Variants in CPM observed in about 807,000 individuals in gnomAD.
CPM encodes the protein carboxypeptidase M, also known as renal carboxypeptidase.
Under a neutral mutation model 46.4 loss-of-function variants are expected in CPM, and 35 were observed. The observed-to-expected ratio is 0.75, with a 90% CI of 0.58 to 1.00. The LOEUF is 1.00. Ranked by LOEUF, CPM falls within the 50% of genes least tolerant of loss-of-function variation. The probability of loss-of-function intolerance (pLI) is 0.00; values close to 1 mark genes in which losing one functional copy is unlikely to be tolerated. For missense variants in CPM, 422 were observed against 530.4 expected, an observed-to-expected ratio of 0.80 and a Z score of 2.01; for synonymous variants, 195 against 195.3, an observed-to-expected ratio of 1.00 and a Z score of 0.01.
At chr12:68,939,083 T>TA (rs1888719176) in intron 1 of CPM, among the ~76,000 whole-genome samples, 1 of 146,584 alleles carries the variant, frequency 6.8e-6, no homozygotes, top group South Asian at 2.1e-4. Flanking sequence ...TATATATGTA[T>TA]ACACATATGT....
Position 68,960,989 on chromosome 12 carries a change from T to C in CPM, c.-4+2180A>G, listed in dbSNP as rs565403135. Among the ~76,000 whole-genome samples the C allele has an allele frequency of 7.9e-5, 12 of 152,310 alleles. No individual in the cohort carries two copies. The South Asian group carries it at 8.3e-4, about 11-fold the overall frequency. Reference sequence around the variant, plus strand: ...AGGTAAAAGGCGATGCAACTTAGCATTGGGGACTGTCATCCCCAGTAAAAA... The same window carrying C: ...AGGTAAAAGGCGATGCAACTTAGCACTGGGGACTGTCATCCCCAGTAAAAA... On this transcript the variant is annotated intron_variant, in intron 1 of 8. Transcript: ENST00000546373.
intron 3 of CPM, among the ~76,000 whole-genome samples, chr12:68,872,230 A>ATGC (rs372578780): frequency 0.012 from 1,801 of 147,364 alleles, 25 homozygotes; most frequent in South Asian, 0.037. Flanking sequence ...GAGTGGAATA[A>ATGC]TGCTGCTGCT....
chr12:68,859,000 T>C lies in CPM; in HGVS notation c.1012A>G (p.Lys338Glu), dbSNP rs779430298. Residue 338 changes from lysine to glutamate, a missense_variant, in exon 8 of 9, where the codon AAA becomes GAA. By Grantham distance (56) the Lys-to-Glu change is moderately conservative (BLOSUM62 1). Transcript: ENST00000551568. ...PNVIVEVQDRKHICPYRTNKY... is the reference protein window; with the variant it reads ...PNVIVEVQDREHICPYRTNKY... ...TTGGTTCTATAGGGGCAGATATGTT[T>C]TCTGTCTTGGACTTCCACAATTACA... 2.5e-6 allele frequency: 4 copies of C among 1,577,110 alleles called. No homozygotes were observed. The African/African-American group carries it at 5.4e-5, about 21-fold the overall frequency.
At chr12:68,918,243 G>A (rs189098192) in intron 2 of CPM, among the ~76,000 whole-genome samples, 3 of 152,018 alleles carry the variant, frequency 2.0e-5, no homozygotes, top group Admixed American at 6.5e-5. Context: ...ACTGTGTGAC[G>A]GTGCTATAGC....
chr12:68,947,498 G>A (rs1888866429), intron 1 of CPM, among the ~76,000 whole-genome samples: 1 of 151,984 alleles, frequency 6.6e-6, no homozygotes, highest in Non-Finnish European at 1.5e-5. Context: ...TCAGGAGGCT[G>A]AGGCAGAAGA....
chr12:68,955,951 G>A (rs866811643), intron 1 of CPM, among the ~76,000 whole-genome samples: 17 of 152,128 alleles, frequency 1.1e-4, no homozygotes, highest in Admixed American at 4.6e-4. Context: ...GCCGTCCCCA[G>A]CTTGGAGGTG....
chr12:68,861,825 G>A (rs1479840521), intron 7 of CPM, among the ~76,000 whole-genome samples: 1 of 148,814 alleles, frequency 6.7e-6, no homozygotes, highest in African/African-American at 2.5e-5. Context: ...ATCGCGCCCG[G>A]CTAACATTAC....
intron 1 of CPM, among the ~76,000 whole-genome samples, chr12:68,953,652 T>C (rs747066658): frequency 5.3e-5 from 8 of 152,218 alleles, no homozygotes; most frequent in Non-Finnish European, 1.2e-4. Context: ...CCTGCCCTGA[T>C]GGTGGTGCAG....
chr12:68,959,401 C>A (rs1048202127), intron 1 of CPM, among the ~76,000 whole-genome samples: 1 of 151,404 alleles, frequency 6.6e-6, no homozygotes, highest in African/African-American at 2.5e-5. Context: ...CTTAAAATAT[C>A]ATTGTTATTG....
At chr12:68,923,158 A>AGTGTGTGTGTGT (rs1491362513) in intron 2 of CPM, among the ~76,000 whole-genome samples, 2 of 131,902 alleles carry the variant, frequency 1.5e-5, no homozygotes, top group African/African-American at 5.9e-5. Flanking sequence ...TATTTGATAT[A>AGTGTGTGTGTGT]GAGTGTGTGT....
intron 1 of CPM, among the ~76,000 whole-genome samples, chr12:68,940,946 A>G (rs1888749907): frequency 6.6e-6 from 1 of 152,080 alleles, no homozygotes; most frequent in Non-Finnish European, 1.5e-5. Context: ...ACTTTTTCAA[A>G]CCTTGCAAAA....
chr12:68,900,157 G>T (rs1887054452), intron 2 of CPM, among the ~76,000 whole-genome samples: 1 of 151,926 alleles, frequency 6.6e-6, no homozygotes, highest in East Asian at 1.9e-4. Flanking sequence ...AATACAGAAA[G>T]AATTCTGAAA....
At chr12:68,872,442 G>A (rs11837900) in intron 3 of CPM, among the ~76,000 whole-genome samples, 1 of 151,824 alleles carries the variant, frequency 6.6e-6, no homozygotes, top group African/African-American at 2.4e-5. Context: ...TAGTAGAGAT[G>A]GGGTTTCACT....
chr12:68,849,539 G>A (rs1334886683), downstream of CPM: 1 of 151,936 alleles, frequency 6.6e-6, no homozygotes, highest in Non-Finnish European at 1.5e-5. Flanking sequence ...CCTCCCAGTA[G>A]TTGGAATTAC....
At chr12:68,927,656 T>C (rs1473564034) in intron 2 of CPM, among the ~76,000 whole-genome samples, 4 of 152,216 alleles carry the variant, frequency 2.6e-5, no homozygotes, top group African/African-American at 9.6e-5. Flanking sequence ...ATGTCCTGAA[T>C]GGTAATGCCT....
chr12:68,949,438 T>G (rs1386254183), intron 1 of CPM, among the ~76,000 whole-genome samples: 2 of 152,178 alleles, frequency 1.3e-5, no homozygotes, highest in Admixed American at 1.3e-4. Context: ...AAATTCTGAG[T>G]GCCAACATGA....
At chr12:68,935,363 C>A (rs564507601), upstream of CPM, among the ~76,000 whole-genome samples, 1 of 152,136 alleles carries the variant, frequency 6.6e-6, no homozygotes, top group Admixed American at 6.5e-5. Context: ...CAGGTTCAAG[C>A]GATTCTTGTG....
upstream of CPM, among the ~76,000 whole-genome samples, chr12:68,936,075 G>A (rs1888668569): frequency 6.6e-6 from 1 of 152,108 alleles, no homozygotes; most frequent in Non-Finnish European, 1.5e-5. Flanking sequence ...TGGAGGTAGG[G>A]GGTACAGAGG....
chr12:68,891,923 G>A (rs1207514830), intron 2 of CPM, among the ~76,000 whole-genome samples: 1 of 152,246 alleles, frequency 6.6e-6, no homozygotes. Context: ...TTTTAGTAGA[G>A]ATGGGGTTTA....
Sources: gnomAD v4.1 joint callset for allele counts (sites outside exome capture counted in the v4.1 genomes callset) on GRCh38, gnomAD v4.1.1 for gene constraint, MANE v1.5 for transcripts, NCBI Gene and HGNC (gene_info 2026-07-23, HGNC 2026-07-21) for gene names.